Variants in ZNF626 observed in about 807,000 individuals in gnomAD.
ZNF626 encodes CTC-513N18.7.
A neutral mutation model predicts 11.7 loss-of-function variants in ZNF626; 4 were observed. That is an observed-to-expected ratio of 0.34 (90% CI 0.17 to 0.78). ZNF626 has a LOEUF of 0.78. ZNF626 is among the 30% of genes least tolerant of loss of function. ZNF626 has a pLI of 0.57. For missense variants in ZNF626, 588 were observed against 587.1 expected, an observed-to-expected ratio of 1.00 and a Z score of -0.01; for synonymous variants, 179 against 198.6, an observed-to-expected ratio of 0.90 and a Z score of 0.83.
At chr19:20,644,321 C>T (rs1313987461) in intron 3 of ZNF626, among the ~76,000 whole-genome samples, 2 of 152,196 alleles carry the variant, frequency 1.3e-5, no homozygotes, top group Non-Finnish European at 2.9e-5. Flanking sequence ...CAAAAACATG[C>T]CCTAGTGTCT....
Position 20,661,527 on chromosome 19 carries a change from T to C in ZNF626, c.-81A>G. ...GACACGGGGCCACACAGCCTGGGCC[T>C]TTAGGAGAAGAACCAGACCTGGAGC... On this transcript the variant is annotated 5_prime_UTR_variant, in exon 1 of 4. Transcript: ENST00000601440. 1 of 1,379,244 alleles carries C rather than the reference T, an allele frequency of 7.3e-7. No homozygotes were observed. The allele number at this position is 1,379,244 out of a possible 1,614,324, so 85.4% of individuals were successfully genotyped here. A position where few individuals can be genotyped will look rare whatever the true frequency, so the allele number is the denominator to read the frequency against.
intron 1 of ZNF626, among the ~76,000 whole-genome samples, chr19:20,650,894 G>T (rs995186819): frequency 1.3e-5 from 2 of 152,088 alleles, no homozygotes; most frequent in Non-Finnish European, 2.9e-5. Context: ...CAGGATGAAA[G>T]AAATAGAAAT....
chr19:20,659,632 A>G (rs894314157), intron 1 of ZNF626, among the ~76,000 whole-genome samples: 2 of 152,094 alleles, frequency 1.3e-5, no homozygotes, highest in Admixed American at 6.5e-5. Flanking sequence ...TGTAGGAGAA[A>G]AGCCCTTTTC....
rs782468801 is a variant in ZNF626, at chr19:20,625,122, G to A, written c.755C>T (p.Thr252Ile). The A allele has an allele frequency of 6.2e-7, 1 of 1,613,050 alleles. No homozygotes were observed. The highest frequency in any genetic ancestry group is 1.7e-5 in the Admixed American group (1 of 59,984). ...ATCACACTTGTAGGGTTTCTCTCCA[G>A]TATGATTTCTCTTATGTGTAGTAAG... ...STLTTHKRNHTGEKPYKCDKC... is the reference protein window; with the variant it reads ...STLTTHKRNHIGEKPYKCDKC... Residue 252 changes from threonine to isoleucine, a missense_variant, in exon 4 of 4, where the codon ACT becomes ATT. This residue lies in a region of ZNF626 where 524 missense variants were observed against 470.1 expected (regional missense o/e 1.11). Coordinates refer to ENST00000601440, the MANE Select transcript of ZNF626 (RefSeq NM_001076675.3).
chr19:20,625,350 A>G lies in ZNF626; in HGVS notation c.527T>C (p.Ile176Thr). Residue 176 changes from isoleucine to threonine, a missense_variant, in exon 4 of 4, where the codon ATA becomes ACA. This residue lies in a region of ZNF626 where 524 missense variants were observed against 470.1 expected (regional missense o/e 1.11). Transcript: ENST00000601440. ...CTGCTTAAAAGCTTTGCCACATTCT[A>G]TATATTTGAAAGGTTTTTTCCCAGT... ...GHTGKKPFKY[I>T]ECGKAFKQFS... 3 of 1,613,974 alleles carry G rather than the reference A, an allele frequency of 1.9e-6. No homozygotes were observed. Among genetic ancestry groups the G allele is most frequent in the East Asian group, 2.2e-5 (1 of 44,864 alleles).
intron 3 of ZNF626, among the ~76,000 whole-genome samples, chr19:20,642,250 C>A (rs1555771545): frequency 6.6e-6 from 1 of 152,070 alleles, no homozygotes; most frequent in Non-Finnish European, 1.5e-5. Context: ...ATTGCAAATT[C>A]TCTAAAATTA....
chr19:20,626,687 C>A (rs782186311), intron 3 of ZNF626, among the ~76,000 whole-genome samples: 7 of 152,140 alleles, frequency 4.6e-5, no homozygotes, highest in African/African-American at 9.7e-5. Flanking sequence ...TGTACCACTG[C>A]ACTTCAGACT....
At position 20,623,904 on chromosome 19, in the gene ZNF626, G is replaced by A. The variant is rs782105660; in HGVS notation, c.*386C>T. 5.6e-6 allele frequency: 2 copies of A among 358,664 alleles called. No individual in the cohort carries two copies. The highest frequency in any genetic ancestry group is 1.1e-5 in the Non-Finnish European group (2 of 184,858). 22.2% of individuals were successfully genotyped at this position (358,664 alleles called of 1,614,324 possible). A position where few individuals can be genotyped will look rare whatever the true frequency, so the allele number is the denominator to read the frequency against. ...AATTATGTGTAATAAAGGTTGAGAAGTTCCTTAAAAAATCTGTCACATTCT... is the reference window on the plus strand; with the variant it reads ...AATTATGTGTAATAAAGGTTGAGAAATTCCTTAAAAAATCTGTCACATTCT... On this transcript the variant is annotated 3_prime_UTR_variant, in exon 4 of 4. Coordinates refer to ENST00000601440, the MANE Select transcript of ZNF626 (RefSeq NM_001076675.3).
intron 3 of ZNF626, among the ~76,000 whole-genome samples, chr19:20,629,566 T>A (rs1351828538): frequency 6.6e-6 from 1 of 152,250 alleles, no homozygotes; most frequent in Non-Finnish European, 1.5e-5. Context: ...AGTTTACTCA[T>A]GATTTGGCTC....
intron 3 of ZNF626, among the ~76,000 whole-genome samples, chr19:20,634,623 T>C (rs1599477416): frequency 6.6e-6 from 1 of 150,574 alleles, no homozygotes; most frequent in East Asian, 2.0e-4. Flanking sequence ...GAGGCTGAGG[T>C]GGGTGAATTT....
chr19:20,647,547 C>T (rs780441856), intron 1 of ZNF626, among the ~76,000 whole-genome samples: 4 of 134,974 alleles, frequency 3.0e-5, no homozygotes, highest in Non-Finnish European at 4.6e-5. Flanking sequence ...AGTGCAGTGG[C>T]GCAGTCTCGG....
At chr19:20,651,914 A>G (rs1484770119) in intron 1 of ZNF626, among the ~76,000 whole-genome samples, 1 of 152,018 alleles carries the variant, frequency 6.6e-6, no homozygotes, top group Non-Finnish European at 1.5e-5. Context: ...TTGTTCTCTC[A>G]CTCTTAAGAT....
intron 1 of ZNF626, among the ~76,000 whole-genome samples, chr19:20,657,631 AC>A (rs1420513799): frequency 6.6e-6 from 1 of 151,822 alleles, no homozygotes; most frequent in Non-Finnish European, 1.5e-5. Flanking sequence ...ACATGGAGAA[AC>A]CCCTCTCTAC....
At chr19:20,658,287 T>G (rs2144797378) in intron 1 of ZNF626, among the ~76,000 whole-genome samples, 1 of 152,196 alleles carries the variant, frequency 6.6e-6, no homozygotes. Flanking sequence ...AACAGGTTGG[T>G]GCGGCAGATT....
At position 20,645,486 on chromosome 19, in the gene ZNF626, A is replaced by C. The variant is rs782524395; in HGVS notation, c.226+198T>G. 8.8e-6 allele frequency: 14 copies of C among 1,599,736 alleles called. No individual in the cohort carries two copies. In the South Asian group the frequency reaches 1.5e-4, roughly 17 times the overall value. ...GAAAATCCTTAGAGAATTTAAAAGCATAAGACAGAAGATGCCCCTTTGTAA... is the reference window on the plus strand; with the variant it reads ...GAAAATCCTTAGAGAATTTAAAAGCCTAAGACAGAAGATGCCCCTTTGTAA... On this transcript the variant is annotated intron_variant, in intron 3 of 3. Transcript: ENST00000601440.
intron 1 of ZNF626, among the ~76,000 whole-genome samples, chr19:20,648,244 A>C (rs1970105297): frequency 6.6e-6 from 1 of 152,092 alleles, no homozygotes; most frequent in African/African-American, 2.4e-5. Flanking sequence ...ATGTTCAGTA[A>C]CTTTTAGTAG....
intron 3 of ZNF626, among the ~76,000 whole-genome samples, chr19:20,642,017 T>C (rs1351856024): frequency 6.6e-6 from 1 of 151,934 alleles, no homozygotes; most frequent in African/African-American, 2.4e-5. Context: ...AGGAAATATA[T>C]ATTCATCATT....
At chr19:20,653,423 A>G (rs1970168799) in intron 1 of ZNF626, among the ~76,000 whole-genome samples, 1 of 152,214 alleles carries the variant, frequency 6.6e-6, no homozygotes, top group African/African-American at 2.4e-5. Flanking sequence ...CATGTCATAC[A>G]TAGTTCATCC....
chr19:20,629,693 T>G (rs1969881097), intron 3 of ZNF626, among the ~76,000 whole-genome samples: 1 of 152,040 alleles, frequency 6.6e-6, no homozygotes, highest in Admixed American at 6.6e-5. Context: ...GACAATGGGG[T>G]TTTCTAGATA....
Sources: gnomAD v4.1 joint callset for allele counts (sites outside exome capture counted in the v4.1 genomes callset) on GRCh38, gnomAD v4.1.1 for gene constraint, gnomAD v4.1.1 regional missense constraint, MANE v1.5 for transcripts, NCBI Gene and HGNC (gene_info 2026-07-23, HGNC 2026-07-21) for gene names.